Variants in VGLL4 observed in about 807,000 individuals in gnomAD.
VGLL4 encodes vestigial like family member 4.
A neutral mutation model predicts 21.0 loss-of-function variants in VGLL4; 7 were observed. That is an observed-to-expected ratio of 0.33 (90% CI 0.19 to 0.63). The LOEUF (loss-of-function observed/expected upper bound fraction) is 0.63. Ranked by LOEUF, VGLL4 falls within the 20% of genes least tolerant of loss-of-function variation. The pLI, the probability that VGLL4 is intolerant of heterozygous loss-of-function variation, is 0.78. For missense variants in VGLL4, 394 were observed against 425.7 expected (o/e 0.93, Z 0.66); for synonymous variants, 222 against 173.2 (o/e 1.28, Z -2.21).
rs901082123 is a variant in VGLL4 at position 11,565,866 on chromosome 3, A to G, written c.273-847T>C. ...GGTAAGCCATGGCCAGCCCTGGTCC[A>G]CCCTCCCTGCTTTATTCCAGGGGTC... On this transcript the variant is annotated intron_variant, in intron 2 of 4. Coordinates refer to ENST00000430365, the MANE Select transcript of VGLL4 (RefSeq NM_001128219.3). The surrounding 1 kb of genome is among the most constrained non-coding windows in gnomAD (Gnocchi z 4.1). Among the ~76,000 whole-genome samples, 2 of 151,814 alleles carry G rather than the reference A, an allele frequency of 1.3e-5. No individual in the cohort carries two copies. Among genetic ancestry groups the G allele is most frequent in the African/African-American group, 4.8e-5 (2 of 41,310 alleles).
At position 11,604,758 on chromosome 3, in the gene VGLL4, AG is replaced by A. The variant is rs1386297015; in HGVS notation, c.83-2737del. Among the ~76,000 whole-genome samples the A allele has an allele frequency of 1.2e-4, 17 of 144,218 alleles. 1 individual carries two copies. Among genetic ancestry groups the A allele is most frequent in the African/African-American group, 4.0e-4 (16 of 39,666 alleles). The allele number at this position is 144,218 out of a possible 152,430, so 94.6% of individuals were successfully genotyped here. A position where few individuals can be genotyped will look rare whatever the true frequency, so the allele number is the denominator to read the frequency against. ...ATGTGTCATGTTCTTTCCAGCTCTT[AG>A]AATTACTGATGCAATTCTATGATCA... is the stretch of plus-strand genomic sequence containing the variant. On this transcript the variant is annotated intron_variant, in intron 1 of 4. Transcript: ENST00000430365.
intron 2 of VGLL4, among the ~76,000 whole-genome samples, chr3:11,575,098 A>T (rs1388482068): frequency 6.6e-6 from 1 of 152,020 alleles, no homozygotes; most frequent in Non-Finnish European, 1.5e-5. Flanking sequence ...GGAAAAGTGG[A>T]TTGAGAGGTG....
At chr3:11,610,603 C>T (rs1024320095) in intron 1 of VGLL4, 1 of 152,290 alleles carries the variant, frequency 6.6e-6, no homozygotes, top group African/African-American at 2.4e-5. Context: ...AGGGTCCACA[C>T]CCTGGACTGG....
chr3:11,692,913 A>G (rs11709115), intron 2 of VGLL4: 8,544 of 153,014 alleles, frequency 0.056, 281 homozygotes, highest in Middle Eastern at 0.092. Context: ...TCATGCCTGT[A>G]ATCCCAGCAC....
In VGLL4 at chr3:11,601,793, C is replaced by T. The variant is rs759042724; in HGVS notation, c.272+40G>A. 23 of 1,607,434 alleles carry T rather than the reference C, an allele frequency of 1.4e-5. No individual in the cohort carries two copies. In the South Asian group the frequency reaches 2.2e-4, roughly 15 times the overall value. ...TTGCAAAACAAATAAGGCCCCAGCA[C>T]GGAGCACCCTTAAGCCAAAATAAGA... On this transcript the variant is annotated intron_variant, in intron 2 of 4. Coordinates refer to ENST00000430365, the MANE Select transcript of VGLL4 (RefSeq NM_001128219.3).
intron 1 of VGLL4, among the ~76,000 whole-genome samples, chr3:11,715,269 C>T (rs980424994): frequency 2.6e-5 from 4 of 152,130 alleles, no homozygotes; most frequent in Non-Finnish European, 4.4e-5. Flanking sequence ...ATAAAGTCAT[C>T]TAATTAATGA....
At chr3:11,573,257 AAG>A (rs1256944862) in intron 2 of VGLL4, among the ~76,000 whole-genome samples, 4 of 9,168 alleles carry the variant, frequency 4.4e-4, no homozygotes, top group Non-Finnish European at 6.6e-4. Flanking sequence ...GAAAGAAAGA[AAG>A]AAAGAAAGAA....
At chr3:11,695,052 C>CTTT (rs11457651) in intron 2 of VGLL4, among the ~76,000 whole-genome samples, 4 of 138,592 alleles carry the variant, frequency 2.9e-5, no homozygotes, top group African/African-American at 1.1e-4. Context: ...TGTTCTCATT[C>CTTT]TTTTTTTTTT....
chr3:11,719,216 TC>T lies in VGLL4; in HGVS notation c.-14+1177del. On this transcript the variant is annotated intron_variant, in intron 1 of 5. Coordinates refer to the VGLL4 transcript ENST00000273038. This position sits in a 1 kb window ranked among gnomAD's most constrained non-coding sequence, Gnocchi z 4.0. ...CGGGCCTCCTCGCCCGCCCCGAGCC[TC>T]CGACTCCCAGGACGTCCTCCGGGAG... is the stretch of plus-strand genomic sequence containing the variant. Among the ~76,000 whole-genome samples, 1 of 151,792 alleles carries T rather than the reference TC, an allele frequency of 6.6e-6. No homozygotes were observed. The highest frequency in any genetic ancestry group is 2.0e-4 in the East Asian group (1 of 5,064).
chr3:11,569,403 G>A (rs2073682683), intron 2 of VGLL4, among the ~76,000 whole-genome samples: 1 of 152,212 alleles, frequency 6.6e-6, no homozygotes, highest in African/African-American at 2.4e-5. Flanking sequence ...CAGTGAAAGA[G>A]ATGAGGCCCA....
At chr3:11,700,686 G>C (rs2076669055) in intron 2 of VGLL4, among the ~76,000 whole-genome samples, 1 of 152,224 alleles carries the variant, frequency 6.6e-6, no homozygotes, top group African/African-American at 2.4e-5. Flanking sequence ...TGAAGACACA[G>C]CAATGAGCTC....
chr3:11,563,870 T>G (rs1030886329), intron 3 of VGLL4, among the ~76,000 whole-genome samples: 6 of 151,990 alleles, frequency 3.9e-5, no homozygotes. Context: ...CAGAACCACC[T>G]CTCCCAACTC....
chr3:11,666,236 G>A (rs1415506126), intron 2 of VGLL4, among the ~76,000 whole-genome samples: 3 of 144,876 alleles, frequency 2.1e-5, no homozygotes, highest in Non-Finnish European at 3.0e-5. Flanking sequence ...GGGTGAGAGC[G>A]AGACTGCGCC....
At chr3:11,659,845 C>T (rs2076013549) in intron 2 of VGLL4, among the ~76,000 whole-genome samples, 1 of 152,152 alleles carries the variant, frequency 6.6e-6, no homozygotes, top group South Asian at 2.1e-4. Flanking sequence ...AACAAGAGTT[C>T]CGTAAACTGT....
Position 11,559,328 on chromosome 3 carries a change from T to C in VGLL4, c.619+4A>G. 6.5e-7 allele frequency: 1 copy of C among 1,534,988 alleles called. No homozygotes were observed. Among genetic ancestry groups the C allele is most frequent in the Non-Finnish European group, 8.8e-7 (1 of 1,138,520 alleles). Reference sequence around the variant, plus strand: ...TGACAGGTGAGGAGGCCCGGGACACTCACCGCTCGGTGGCCTCCGGTAGCT... The same window carrying C: ...TGACAGGTGAGGAGGCCCGGGACACCCACCGCTCGGTGGCCTCCGGTAGCT... On this transcript the variant is annotated splice_donor_region_variant and intron_variant, in intron 4 of 4. Transcript: ENST00000430365.
chr3:11,611,039 A>T (rs916469099), intron 1 of VGLL4, among the ~76,000 whole-genome samples: 1 of 152,080 alleles, frequency 6.6e-6, no homozygotes, highest in African/African-American at 2.4e-5. Flanking sequence ...TAGACTCCCC[A>T]ACTTCCATCA....
chr3:11,622,428 AAAT>A (rs2075280391), intron 1 of VGLL4, among the ~76,000 whole-genome samples: 1 of 151,832 alleles, frequency 6.6e-6, no homozygotes, highest in Admixed American at 6.7e-5. Flanking sequence ...AAAAAAAAAA[AAAT>A]CATACTATTA....
intron 2 of VGLL4, among the ~76,000 whole-genome samples, chr3:11,651,076 G>A (rs915225642): frequency 2.6e-5 from 4 of 152,064 alleles, no homozygotes; most frequent in Non-Finnish European, 5.9e-5. Context: ...GACCAGGCGC[G>A]GTGGCTCACG....
chr3:11,639,161 C>T (rs1188325608), intron 1 of VGLL4, among the ~76,000 whole-genome samples: 1 of 152,228 alleles, frequency 6.6e-6, no homozygotes, highest in African/African-American at 2.4e-5. Flanking sequence ...AAAGCCCCAG[C>T]CAGCCAGGGC....
Sources: allele counts gnomAD v4.1 joint callset (sites outside exome capture counted in the v4.1 genomes callset), GRCh38; gene constraint gnomAD v4.1.1; non-coding constraint Gnocchi (gnomAD v3.1); transcripts MANE v1.5; gene names NCBI Gene and HGNC (gene_info 2026-07-23, HGNC 2026-07-21).